SIMC1: variants seen among roughly 807,000 people sequenced by gnomAD.
The protein encoded by SIMC1 is SUMO interacting motifs containing 1.
A neutral mutation model predicts 82.3 loss-of-function variants in SIMC1; 55 were observed. The observed-to-expected ratio is 0.67, with a 90% confidence interval of 0.54 to 0.84. SIMC1 has a LOEUF of 0.84. Among genes scored for constraint, SIMC1 ranks in the 40% least tolerant of loss-of-function variants. The pLI, the probability that SIMC1 is intolerant of heterozygous loss-of-function variation, is 0.00. For missense variants in SIMC1, 915 were observed against 1,107.2 expected, an observed-to-expected ratio of 0.83 and a Z score of 2.46; for synonymous variants, 353 against 426.3, an observed-to-expected ratio of 0.83 and a Z score of 2.12.
intron 5 of SIMC1, among the ~76,000 whole-genome samples, chr5:176,319,629 C>T (rs1765070834): frequency 6.6e-6 from 1 of 152,064 alleles, no homozygotes; most frequent in African/African-American, 2.4e-5. Context: ...AGTTCAAGAC[C>T]AACCTGGGCA....
chr5:176,276,500 G>A (rs1762706021), intron 1 of SIMC1, among the ~76,000 whole-genome samples: 1 of 149,490 alleles, frequency 6.7e-6, no homozygotes, highest in African/African-American at 2.5e-5. Flanking sequence ...ACATTGTGCA[G>A]GTTAGTTACA....
At chr5:176,307,165 G>A (rs1453450543) in intron 4 of SIMC1, among the ~76,000 whole-genome samples, 3 of 152,152 alleles carry the variant, frequency 2.0e-5, no homozygotes, top group Admixed American at 1.3e-4. Flanking sequence ...ATAAGTGTGG[G>A]CAAGAATTTG....
intron 2 of SIMC1, among the ~76,000 whole-genome samples, chr5:176,291,330 ATTTTTTTTT>A (rs70991527): frequency 2.8e-5 from 2 of 71,610 alleles, no homozygotes; most frequent in Non-Finnish European, 5.3e-5. Flanking sequence ...TGCCCGGCTA[ATTTTTTTTT>A]TTTTTTTTTT....
chr5:176,279,871 T>C (rs1038683419), intron 1 of SIMC1, among the ~76,000 whole-genome samples: 29 of 151,710 alleles, frequency 1.9e-4, no homozygotes, highest in African/African-American at 7.0e-4. Context: ...TTTTACATTT[T>C]CTGAGGAGAG....
At chr5:176,259,707 A>G (rs1314100304) in intron 1 of SIMC1, among the ~76,000 whole-genome samples, 1 of 151,582 alleles carries the variant, frequency 6.6e-6, no homozygotes, top group Non-Finnish European at 1.5e-5. Flanking sequence ...TGGGAGGTGG[A>G]GGTTGCAGTG....
intron 4 of SIMC1, among the ~76,000 whole-genome samples, chr5:176,300,200 G>A (rs1763983532): frequency 6.6e-6 from 1 of 152,222 alleles, no homozygotes; most frequent in Non-Finnish European, 1.5e-5. Flanking sequence ...TATATCTAAA[G>A]TAGGAAAAGA....
intron 1 of SIMC1, among the ~76,000 whole-genome samples, chr5:176,251,685 A>G (rs1037811010): frequency 2.6e-5 from 4 of 151,682 alleles, no homozygotes. Context: ...CAGATAAACA[A>G]GTGAACAAAG....
intron 1 of SIMC1, among the ~76,000 whole-genome samples, chr5:176,282,454 G>C (rs1763058345): frequency 1.3e-5 from 2 of 152,218 alleles, no homozygotes; most frequent in Admixed American, 6.5e-5. Flanking sequence ...TGCGCCCACT[G>C]TCTGGCACTC....
At chr5:176,272,560 T>G (rs948179042) in intron 1 of SIMC1, among the ~76,000 whole-genome samples, 9 of 151,922 alleles carry the variant, frequency 5.9e-5, no homozygotes, top group African/African-American at 2.2e-4. Flanking sequence ...CCAACTGAGG[T>G]TCATCTCACT....
At chr5:176,250,344 G>A (rs1279103804) in intron 1 of SIMC1, among the ~76,000 whole-genome samples, 25 of 152,032 alleles carry the variant, frequency 1.6e-4, no homozygotes, top group Admixed American at 6.6e-5. Flanking sequence ...TATGATTTCC[G>A]TTCTCTTGCA....
intron 9 of SIMC1, among the ~76,000 whole-genome samples, chr5:176,340,877 G>C (rs1181286447): frequency 1.3e-5 from 2 of 152,192 alleles, no homozygotes; most frequent in African/African-American, 4.8e-5. Context: ...CGGGGCGCAA[G>C]GGCTCACCCC....
At chr5:176,339,090 A>G (rs1320196356) in intron 9 of SIMC1, among the ~76,000 whole-genome samples, 1 of 152,162 alleles carries the variant, frequency 6.6e-6, no homozygotes, top group East Asian at 1.9e-4. Flanking sequence ...TCGGCCAGGC[A>G]TGGTGGCTCA....
At position 176,322,402 on chromosome 5, in the gene SIMC1, C is replaced by T. The variant is rs1223870750; in HGVS notation, c.2019C>T (p.Asn673=). ...GTAGCCACCCTTCTTCCCAGCCCAA[C>T]CTGACAAAGAACACCAATCAGCTGT... ...ASSSHPSSQP[N]LTKNTNQLIV... Residue 673 remains asparagine (N), a synonymous_variant, in exon 6 of 10, where the codon AAC becomes AAT. Coordinates refer to ENST00000429602, the MANE Select transcript of SIMC1 (RefSeq NM_001308195.2). 5 of 1,609,736 alleles carry T rather than the reference C, an allele frequency of 3.1e-6. No homozygotes were observed. The highest frequency in any genetic ancestry group is 4.2e-6 in the Non-Finnish European group (5 of 1,178,106).
In SIMC1 at chr5:176,296,281, G is replaced by A. The variant is rs1233828653; in HGVS notation, c.1695G>A (p.Glu565=). 64 of 1,613,472 alleles carry A rather than the reference G, an allele frequency of 4.0e-5. No individual in the cohort carries two copies. Among genetic ancestry groups the A allele is most frequent in the Non-Finnish European group, 5.3e-5 (62 of 1,179,584 alleles). The change falls in exon 4 of 10, where the codon GAG becomes GAA. Residue 565 remains glutamate, a synonymous_variant. Coordinates refer to ENST00000429602, the MANE Select transcript of SIMC1 (RefSeq NM_001308195.2). ...ATCCAGCCAATGCCAAGACAGTGGA[G>A]TGGGACTGGAAACTGCTCACCTATG... is the stretch of plus-strand genomic sequence containing the variant. ...QLHPANAKTV[E]WDWKLLTYVM... is the part of the protein sequence containing the mutation.
intron 1 of SIMC1, among the ~76,000 whole-genome samples, chr5:176,242,992 A>G (rs1051540277): frequency 2.0e-5 from 3 of 152,040 alleles, no homozygotes; most frequent in African/African-American, 7.3e-5. Context: ...ATTCCATAAG[A>G]TGTCATTATT....
chr5:176,327,063 C>T (rs1247982328), intron 7 of SIMC1, among the ~76,000 whole-genome samples: 1 of 152,194 alleles, frequency 6.6e-6, no homozygotes, highest in African/African-American at 2.4e-5. Context: ...TGCTCTAACA[C>T]TTTGTCAGGA....
intron 4 of SIMC1, among the ~76,000 whole-genome samples, chr5:176,309,621 G>A (rs1367811151): frequency 1.3e-5 from 2 of 152,132 alleles, no homozygotes; most frequent in Admixed American, 1.3e-4. Flanking sequence ...TGATCAATTT[G>A]GAATATTTAA....
chr5:176,316,553 G>C (rs1158479952), intron 5 of SIMC1, among the ~76,000 whole-genome samples: 1 of 150,752 alleles, frequency 6.6e-6, no homozygotes, highest in Non-Finnish European at 1.5e-5. Flanking sequence ...GCCAGGCATA[G>C]TGCCAGGCAC....
At chr5:176,280,521 T>A (rs1762944072) in intron 1 of SIMC1, among the ~76,000 whole-genome samples, 1 of 152,188 alleles carries the variant, frequency 6.6e-6, no homozygotes, top group African/African-American at 2.4e-5. Flanking sequence ...ATGCAGTTTC[T>A]TCCTAGTCTC....
Sources: allele counts gnomAD v4.1 joint callset (sites outside exome capture counted in the v4.1 genomes callset), GRCh38; gene constraint gnomAD v4.1.1; transcripts MANE v1.5; gene names NCBI Gene and HGNC (gene_info 2026-07-23, HGNC 2026-07-21).